REEP5: variants seen among roughly 807,000 people sequenced by gnomAD.
REEP5 encodes the protein receptor accessory protein 5, also known as receptor expression-enhancing protein 5.
Under a neutral mutation model 22.4 loss-of-function variants are expected in REEP5, and 24 were observed. The ratio of observed to expected loss-of-function variants is 1.07; its 90% CI spans 0.78 to 1.51. The LOEUF (loss-of-function observed/expected upper bound fraction) is 1.51. REEP5 is among the 40% of genes most tolerant of loss of function. The pLI is 0.00. For synonymous variants in REEP5, 103 were observed against 88.6 expected (o/e 1.16, Z -0.92); for missense variants, 252 against 233.0 (o/e 1.08, Z -0.53).
chr5:112,880,071 G>A (rs2150033135), intron 4 of REEP5, among the ~76,000 whole-genome samples: 1 of 152,198 alleles, frequency 6.6e-6, no homozygotes, highest in East Asian at 1.9e-4. Context: ...GATGAGAAGA[G>A]TTTGCTCTAA....
intron 3 of REEP5, chr5:112,896,696 G>T (rs914324218): frequency 6.6e-6 from 1 of 151,996 alleles, no homozygotes; most frequent in African/African-American, 2.4e-5. Flanking sequence ...AGCACTTCGG[G>T]AGGCTGAGGT....
chr5:112,917,860 G>C (rs962870160), intron 2 of REEP5, among the ~76,000 whole-genome samples: 1 of 152,222 alleles, frequency 6.6e-6, no homozygotes, highest in Admixed American at 6.5e-5. Context: ...AGGAGGAATA[G>C]GGAGTGATTG....
intron 4 of REEP5, among the ~76,000 whole-genome samples, chr5:112,880,821 G>A (rs529768151): frequency 6.6e-6 from 1 of 152,254 alleles, no homozygotes; most frequent in South Asian, 2.1e-4. Flanking sequence ...AGAAAAGAAA[G>A]CTCTTAAAAA....
At chr5:112,906,082 A>G (rs1217464589) in intron 2 of REEP5, among the ~76,000 whole-genome samples, 2 of 152,236 alleles carry the variant, frequency 1.3e-5, no homozygotes, top group African/African-American at 4.8e-5. Context: ...AGGATTCATG[A>G]AACCATAAGA....
intron 4 of REEP5, among the ~76,000 whole-genome samples, chr5:112,883,596 G>C (rs531021856): frequency 6.6e-6 from 1 of 152,122 alleles, no homozygotes; most frequent in East Asian, 1.9e-4. Context: ...CACTACCTTC[G>C]TGATCTCATC....
intron 2 of REEP5, among the ~76,000 whole-genome samples, chr5:112,918,994 T>C (rs1178063608): frequency 4.6e-5 from 7 of 152,250 alleles, no homozygotes; most frequent in Admixed American, 4.6e-4. Context: ...AGAGTATGAC[T>C]ACCTTATTTC....
chr5:112,898,159 T>G (rs1306148879), intron 3 of REEP5: 1 of 152,266 alleles, frequency 6.6e-6, no homozygotes, highest in African/African-American at 2.4e-5. Context: ...AGATGGATTC[T>G]AGTCCCTAAA....
At chr5:112,899,080 T>C (rs922673785) in intron 3 of REEP5, among the ~76,000 whole-genome samples, 2 of 152,158 alleles carry the variant, frequency 1.3e-5, no homozygotes, top group African/African-American at 2.4e-5. Flanking sequence ...AATGTTCTAT[T>C]ACTTTTTTTC....
At chr5:112,893,070 A>G (rs377001833) in intron 3 of REEP5, 66 of 1,193,452 alleles carry the variant, frequency 5.5e-5, no homozygotes, top group East Asian at 3.4e-4. Context: ...AGAGTCCCCA[A>G]TCCAAATAAA....
rs1483567470 is a variant in REEP5, at chr5:112,876,737, C to G, written c.*2049G>C. On this transcript the variant is annotated 3_prime_UTR_variant, in exon 5 of 5. Transcript: ENST00000379638. ...GTATTTCATTTGGGAAATCATGCAA[C>G]AGAACTGCTCAATTCTTAACTTCTC... 1 of 152,140 alleles carries G rather than the reference C, an allele frequency of 6.6e-6. No homozygotes were observed. The highest frequency in any genetic ancestry group is 1.5e-5 in the Non-Finnish European group (1 of 68,014). 9.4% of individuals were successfully genotyped at this position (152,140 alleles called of 1,614,324 possible).
chr5:112,891,307 A>G (rs1325287984), intron 3 of REEP5, among the ~76,000 whole-genome samples: 1 of 152,122 alleles, frequency 6.6e-6, no homozygotes, highest in Non-Finnish European at 1.5e-5. Flanking sequence ...TCCTGGCCTC[A>G]GGTGATCCGC....
chr5:112,903,979 A>G (rs1768900900), intron 2 of REEP5, among the ~76,000 whole-genome samples: 1 of 152,182 alleles, frequency 6.6e-6, no homozygotes, highest in Non-Finnish European at 1.5e-5. Context: ...CTACAGGTAC[A>G]CACCACCACA....
chr5:112,918,282 G>C (rs942665750), intron 2 of REEP5, among the ~76,000 whole-genome samples: 8 of 152,144 alleles, frequency 5.3e-5, no homozygotes, highest in African/African-American at 1.9e-4. Flanking sequence ...TAAGGTACTG[G>C]TTGCTCCCCA....
chr5:112,878,654 A>C lies in REEP5; in HGVS notation c.*132T>G. ...AAGTAAGCAAAGAAACTTACAACACATTCCAATCTTTAATATCTCAAAAAT... is the reference window on the plus strand; with the variant it reads ...AAGTAAGCAAAGAAACTTACAACACCTTCCAATCTTTAATATCTCAAAAAT... On this transcript the variant is annotated 3_prime_UTR_variant, in exon 5 of 5. Transcript: ENST00000379638. 1 of 1,315,686 alleles carries C rather than the reference A, an allele frequency of 7.6e-7. No homozygotes were observed. The highest frequency in any genetic ancestry group is 1.0e-6 in the Non-Finnish European group (1 of 958,592). 81.5% of individuals were successfully genotyped at this position (1,315,686 alleles called of 1,614,324 possible).
chr5:112,879,116 A>G (rs1206502556), intron 4 of REEP5, among the ~76,000 whole-genome samples: 1 of 152,112 alleles, frequency 6.6e-6, no homozygotes, highest in Non-Finnish European at 1.5e-5. Context: ...TCTGCCCTCT[A>G]TTCTCCTTTA....
At chr5:112,908,089 TCTTTG>T (rs1561657624) in intron 2 of REEP5, among the ~76,000 whole-genome samples, 2 of 78,692 alleles carry the variant, frequency 2.5e-5, no homozygotes, top group Admixed American at 1.1e-4. Flanking sequence ...TCAGAGACTT[TCTTTG>T]TTTTTTGTTT....
At chr5:112,905,558 A>C (rs936010961) in intron 2 of REEP5, among the ~76,000 whole-genome samples, 12 of 138,192 alleles carry the variant, frequency 8.7e-5, no homozygotes, top group African/African-American at 3.6e-4. Flanking sequence ...AAACAAAACA[A>C]AAAAAAAACA....
chr5:112,920,491 A>C lies in REEP5; in HGVS notation c.212+672T>G, dbSNP rs111704529. 1.8e-3 allele frequency among the ~76,000 whole-genome samples: 275 copies of C among 152,366 alleles called. 1 individual carries two copies. Among genetic ancestry groups the C allele is most frequent in the African/African-American group, 6.4e-3 (264 of 41,570 alleles). On this transcript the variant is annotated intron_variant, in intron 2 of 4. Transcript: ENST00000379638. The stretch of plus-strand genomic sequence containing the variant: ...AAATAAAATCGTAGAATTAAAAAAA[A>C]TAAACACATTGTAGAATAAAAACAA...
chr5:112,884,701 G>GTCTGAT (rs140773884), intron 4 of REEP5, among the ~76,000 whole-genome samples: 3,153 of 151,800 alleles, frequency 0.021, 100 homozygotes, highest in African/African-American at 0.072. Context: ...CTACTATTGA[G>GTCTGAT]TCTGATTCAG....
Sources: gnomAD v4.1 joint callset for allele counts (sites outside exome capture counted in the v4.1 genomes callset) on GRCh38, gnomAD v4.1.1 for gene constraint, MANE v1.5 for transcripts, NCBI Gene and HGNC (gene_info 2026-07-23, HGNC 2026-07-21) for gene names.